Variants in NFASC observed in about 807,000 individuals in gnomAD.
NFASC encodes the protein neurofascin homolog.
Under a neutral mutation model 147.5 loss-of-function variants are expected in NFASC, and 43 were observed. That is an observed-to-expected ratio of 0.29 (90% CI 0.23 to 0.38). NFASC has a LOEUF of 0.38. Among genes scored for constraint, NFASC ranks in the 10% least tolerant of loss-of-function variants. NFASC has a pLI of 1.00. For synonymous variants in NFASC, 622 were observed against 665.5 expected (o/e 0.93, Z 1.01); for missense variants, 1,320 against 1,689.0 (o/e 0.78, Z 3.83).
intron 1 of NFASC, among the ~76,000 whole-genome samples, chr1:204,908,883 A>G (rs2086661322): frequency 6.6e-6 from 1 of 152,220 alleles, no homozygotes. Context: ...AGATTCATCT[A>G]AGTTACTGCA....
Position 204,976,766 on chromosome 1 carries a change from A to T in NFASC, c.1802A>T (p.Asp601Val), listed in dbSNP as rs568124242. The change falls in exon 16 of 30, where the codon GAC (aspartate) becomes GTC (valine). Residue 601 changes from aspartate to valine, a missense_variant. Physicochemically the swap from Asp to Val is radical, Grantham distance 152. Transcript: ENST00000339876. ...GTCGCCAGCACCGAGCTAGACCAAG[A>T]CCTGGCCAAGGCCTACCTCACCGTG... The part of the protein sequence containing the change: ...TCVASTELDQ[D>V]LAKAYLTVLA... The T allele has an allele frequency of 1.9e-5, 31 of 1,613,850 alleles. No individual in the cohort carries two copies. The highest frequency in any genetic ancestry group is 1.7e-4 in the Middle Eastern group (1 of 6,056).
chr1:204,933,705 G>C (rs779989957), intron 2 of NFASC, among the ~76,000 whole-genome samples: 1 of 151,304 alleles, frequency 6.6e-6, no homozygotes, highest in Non-Finnish European at 1.5e-5. Context: ...CAGGAGAGGA[G>C]AGTTAGAGGA....
intron 1 of NFASC, among the ~76,000 whole-genome samples, chr1:204,844,712 G>T (rs1676440716): frequency 6.6e-6 from 1 of 152,136 alleles, no homozygotes; most frequent in Non-Finnish European, 1.5e-5. Flanking sequence ...ACGAATGGTG[G>T]CTTCTCAGTC....
rs2096242230 is a variant in NFASC at position 205,010,884 on chromosome 1, C to G, written c.3421+1196C>G. 1 of 146,064 alleles carries G rather than the reference C, an allele frequency of 6.8e-6. No individual in the cohort carries two copies. The highest frequency in any genetic ancestry group is 1.5e-5 in the Non-Finnish European group (1 of 67,078). The allele number at this position is 146,064 out of a possible 1,614,324, so 9.0% of individuals were successfully genotyped here. A position where few individuals can be genotyped will look rare whatever the true frequency, so the allele number is the denominator to read the frequency against. ...TGCCACTGCACTCCAGCCTGGGCGGCAGAGCAAGACTCCGTCTCAAAAAAG... is the reference window on the plus strand; with the variant it reads ...TGCCACTGCACTCCAGCCTGGGCGGGAGAGCAAGACTCCGTCTCAAAAAAG... On this transcript the variant is annotated intron_variant, in intron 28 of 29. Coordinates refer to ENST00000339876, the MANE Select transcript of NFASC (RefSeq NM_001005388.3). This position sits in a 1 kb window ranked among gnomAD's most constrained non-coding sequence, Gnocchi z 4.1.
intron 24 of NFASC, among the ~76,000 whole-genome samples, chr1:204,996,632 C>G (rs533706229): frequency 6.6e-6 from 1 of 152,144 alleles, no homozygotes. Context: ...TCTCTGTCAT[C>G]GGGTTTGGGT....
intron 3 of NFASC, chr1:204,946,767 C>A: frequency 1.9e-6 from 1 of 518,058 alleles, no homozygotes; most frequent in Middle Eastern, 3.3e-4. Flanking sequence ...TGAACACCAA[C>A]CCTTCCCGAG....
chr1:204,988,358 A>G (rs532336995), intron 22 of NFASC, among the ~76,000 whole-genome samples: 145 of 152,356 alleles, frequency 9.5e-4, no homozygotes, highest in African/African-American at 3.4e-3. Flanking sequence ...TTAAGAATAT[A>G]AACGGAATCT....
intron 1 of NFASC, among the ~76,000 whole-genome samples, chr1:204,829,582 T>G (rs1359914714): frequency 1.3e-5 from 2 of 152,106 alleles, no homozygotes; most frequent in African/African-American, 2.4e-5. Context: ...TGCTGGGGGT[T>G]AGTAGGCCTC....
rs778083688 is a variant in NFASC at position 204,997,360 on chromosome 1, G to A, written c.2973G>A (p.Thr991=). The stretch of plus-strand genomic sequence containing the variant: ...CCACTGCTGCCGCCACCACCACCAC[G>A]GAGAGTCCTCCCACCACCACCTCCG... The part of the protein sequence containing the change: ...TTTTAAATTT[T]ESPPTTTSGT... Residue 991 remains threonine (T), a synonymous_variant, in exon 25 of 30, where the codon ACG becomes ACA. Transcript: ENST00000339876. 108 of 1,555,340 alleles carry A rather than the reference G, an allele frequency of 6.9e-5. No individual in the cohort carries two copies. The highest frequency in any genetic ancestry group is 1.2e-4 in the East Asian group (5 of 40,944).
In NFASC at chr1:204,957,636, G is replaced by T. The variant is rs368895617; in HGVS notation, c.536-20G>T. The T allele has an allele frequency of 1.3e-5, 21 of 1,612,434 alleles. No homozygotes were observed. In the East Asian group the frequency reaches 3.1e-4, roughly 24 times the overall value. On this transcript the variant is annotated intron_variant, in intron 7 of 29. Coordinates refer to ENST00000339876, the MANE Select transcript of NFASC (RefSeq NM_001005388.3). ...CTGTTATTACTACTAACCTGCTGCCGTACCTCTGCTTTCTTATAGCCATGG... is the reference window on the plus strand; with the variant it reads ...CTGTTATTACTACTAACCTGCTGCCTTACCTCTGCTTTCTTATAGCCATGG...
At chr1:205,004,376 A>G (rs1170230411) in intron 27 of NFASC, among the ~76,000 whole-genome samples, 1 of 152,098 alleles carries the variant, frequency 6.6e-6, no homozygotes, top group Non-Finnish European at 1.5e-5. Context: ...GAACCTAAAT[A>G]CTCATTTCTC....
chr1:204,995,315 AGT>A (rs60921990), intron 24 of NFASC, among the ~76,000 whole-genome samples: 9,357 of 140,724 alleles, frequency 0.066, 487 homozygotes, highest in African/African-American at 0.16. Flanking sequence ...ATGTGTGCAC[AGT>A]GTGTGTGTGT....
chr1:204,973,355 G>A lies in NFASC; in HGVS notation c.1215G>A (p.Val405=). 1 of 1,614,256 alleles carries A rather than the reference G, an allele frequency of 6.2e-7. No homozygotes were observed. The highest frequency in any genetic ancestry group is 8.5e-7 in the Non-Finnish European group (1 of 1,180,050). The change falls in exon 12 of 30, where the codon GTG becomes GTA. Residue 405 remains valine, a synonymous_variant. Coordinates refer to ENST00000339876, the MANE Select transcript of NFASC (RefSeq NM_001005388.3). The part of the protein sequence containing the change: ...FRDTQISSRA[V]YQCNTSNEHG... ...ACACCCAGATCAGCAGCAGGGCTGT[G>A]TACCAGTGCAACACCTCCAACGAGC...
intron 17 of NFASC, 24 bp downstream of exon 17, chr1:204,977,749 C>A (rs373594074): frequency 6.2e-7 from 1 of 1,600,600 alleles, no homozygotes; most frequent in Admixed American, 1.7e-5. Context: ...ATCACAGTCC[C>A]CTGCCAGTGC....
intron 3 of NFASC, chr1:204,946,739 C>A (rs188551708): frequency 3.9e-6 from 2 of 519,026 alleles, no homozygotes; most frequent in East Asian, 5.5e-5. Flanking sequence ...AAGTACCTGG[C>A]CTTCCTCTGC....
intron 24 of NFASC, among the ~76,000 whole-genome samples, chr1:204,993,531 C>A (rs544788180): frequency 6.6e-6 from 1 of 152,294 alleles, no homozygotes; most frequent in East Asian, 1.9e-4. Context: ...AACCCTTGGC[C>A]GCAGCCAGGG....
At chr1:204,992,419 A>G (rs555437352) in intron 24 of NFASC, among the ~76,000 whole-genome samples, 3 of 152,228 alleles carry the variant, frequency 2.0e-5, no homozygotes, top group African/African-American at 7.2e-5. Context: ...TTTCTGTTGC[A>G]TACCCTGCTT....
rs1440901981 is a variant in NFASC, at chr1:204,953,497, C to T, written c.216-691C>T. 3.9e-5 allele frequency among the ~76,000 whole-genome samples: 6 copies of T among 152,074 alleles called. No homozygotes were observed. The East Asian group carries it at 7.7e-4, about 20-fold the overall frequency. On this transcript the variant is annotated intron_variant, in intron 5 of 29. Transcript: ENST00000339876. Reference sequence around the variant, plus strand: ...TATTTTTAGTAGGACGGGGTTTCACCGAGTTAGCCAGGATGGTCTCGATCT... The same window carrying T: ...TATTTTTAGTAGGACGGGGTTTCACTGAGTTAGCCAGGATGGTCTCGATCT...
intron 1 of NFASC, among the ~76,000 whole-genome samples, chr1:204,841,359 C>A (rs1241073735): frequency 1.3e-5 from 2 of 152,242 alleles, no homozygotes; most frequent in Non-Finnish European, 2.9e-5. Context: ...TGGGTTCCAG[C>A]ACGAGTTGAT....
Sources: gnomAD v4.1 joint callset for allele counts (sites outside exome capture counted in the v4.1 genomes callset) on GRCh38, gnomAD v4.1.1 for gene constraint, Gnocchi (gnomAD v3.1) non-coding constraint, MANE v1.5 for transcripts, NCBI Gene and HGNC (gene_info 2026-07-23, HGNC 2026-07-21) for gene names.